The following CCSER1 variants were observed in gnomAD, a reference collection of about 807,000 sequenced individuals.
CCSER1 encodes the protein serine-rich coiled-coil domain-containing protein 1.
In CCSER1, 41 loss-of-function variants were observed where a neutral mutation model predicts 82.0. The ratio of observed to expected loss-of-function variants is 0.50; its 90% CI spans 0.39 to 0.65. The LOEUF is 0.65. CCSER1 is among the 30% of genes least tolerant of loss of function. CCSER1 has a pLI of 0.00. For synonymous variants in CCSER1, 414 were observed against 383.9 expected (o/e 1.08, Z -0.92); for missense variants, 1,119 against 1,064.2 (o/e 1.05, Z -0.72).
intron 3 of CCSER1, among the ~76,000 whole-genome samples, chr4:90,386,491 T>A (rs1370964244): frequency 6.6e-6 from 1 of 152,016 alleles, no homozygotes; most frequent in Non-Finnish European, 1.5e-5. Flanking sequence ...TATACAGAAA[T>A]TAACTCAAGA....
intron 5 of CCSER1, among the ~76,000 whole-genome samples, chr4:90,578,339 A>G (rs916861901): frequency 1.4e-4 from 21 of 152,110 alleles, no homozygotes; most frequent in African/African-American, 4.8e-4. Context: ...TTAGGGGACA[A>G]CTTATTCCTT....
chr4:90,887,935 T>G (rs1722394792), intron 8 of CCSER1, among the ~76,000 whole-genome samples: 4 of 150,370 alleles, frequency 2.7e-5, no homozygotes, highest in Admixed American at 2.7e-4. Flanking sequence ...AAATCAACAA[T>G]GACAGAGAGA....
intron 5 of CCSER1, among the ~76,000 whole-genome samples, chr4:90,581,870 G>A (rs1388409618): frequency 6.6e-6 from 1 of 150,416 alleles, no homozygotes; most frequent in African/African-American, 2.5e-5. Context: ...TTAGAGGAAA[G>A]GAATGACTTT....
At chr4:90,349,320 A>G (rs1247183318) in intron 3 of CCSER1, among the ~76,000 whole-genome samples, 1 of 152,164 alleles carries the variant, frequency 6.6e-6, no homozygotes, top group Admixed American at 6.6e-5. Flanking sequence ...TAGCCCTTGC[A>G]TTTTAGATTT....
At chr4:90,637,364 T>A (rs1358133782) in intron 6 of CCSER1, among the ~76,000 whole-genome samples, 1 of 152,206 alleles carries the variant, frequency 6.6e-6, no homozygotes, top group Non-Finnish European at 1.5e-5. Context: ...ATGCACAATG[T>A]CTTTTGTAAC....
chr4:91,326,961 C>A (rs1245820724), intron 10 of CCSER1, among the ~76,000 whole-genome samples: 3 of 152,202 alleles, frequency 2.0e-5, no homozygotes, highest in African/African-American at 4.8e-5. Context: ...AGGCCTTGGG[C>A]AGCTCTGCCT....
rs1231281461 is a variant in CCSER1 at position 91,496,672 on chromosome 4, A to T, written c.2218-101900A>T. Among the ~76,000 whole-genome samples, 7 of 23,026 alleles carry T rather than the reference A, an allele frequency of 3.0e-4. 1 individual carries two copies. Among genetic ancestry groups the T allele is most frequent in the African/African-American group, 5.7e-4 (5 of 8,744 alleles). The allele number at this position is 23,026 out of a possible 152,430, so 15.1% of individuals were successfully genotyped here. On this transcript the variant is annotated intron_variant, in intron 10 of 10. Transcript: ENST00000509176. Reference sequence around the variant, plus strand: ...ATATATATTGAATATATATATATTCAATATATTTGAATATATATATATTCA... The same window carrying T: ...ATATATATTGAATATATATATATTCTATATATTTGAATATATATATATTCA...
At chr4:90,998,607 T>C (rs1737715454) in intron 9 of CCSER1, among the ~76,000 whole-genome samples, 2 of 152,240 alleles carry the variant, frequency 1.3e-5, no homozygotes, top group Non-Finnish European at 2.9e-5. Context: ...TTATTCTTAA[T>C]TGCTCTGAAA....
At chr4:90,886,250 G>A (rs1036573763) in intron 8 of CCSER1, among the ~76,000 whole-genome samples, 1 of 152,138 alleles carries the variant, frequency 6.6e-6, no homozygotes, top group Non-Finnish European at 1.5e-5. Flanking sequence ...AATTTGCAGA[G>A]GTAGGCTCCT....
At chr4:91,014,912 C>A (rs1739294157) in intron 9 of CCSER1, among the ~76,000 whole-genome samples, 1 of 84,266 alleles carries the variant, frequency 1.2e-5, no homozygotes, top group Admixed American at 1.1e-4. Flanking sequence ...CAGAAAAGTT[C>A]AAGTTTGGAG....
At chr4:90,658,724 A>C (rs775070989) in intron 6 of CCSER1, among the ~76,000 whole-genome samples, 11 of 152,328 alleles carry the variant, frequency 7.2e-5, no homozygotes, top group Non-Finnish European at 1.2e-4. Context: ...AAAAAGATAT[A>C]GTAACTCAGA....
At chr4:91,464,399 A>G (rs1452080042) in intron 10 of CCSER1, among the ~76,000 whole-genome samples, 1 of 152,218 alleles carries the variant, frequency 6.6e-6, no homozygotes, top group Non-Finnish European at 1.5e-5. Flanking sequence ...CTGCAAAAAT[A>G]TGCCAAAATA....
chr4:91,153,067 T>G (rs1026872274), intron 10 of CCSER1, among the ~76,000 whole-genome samples: 1 of 151,930 alleles, frequency 6.6e-6, no homozygotes, highest in Non-Finnish European at 1.5e-5. Flanking sequence ...TGCTTGCTAA[T>G]TTGGGGAAGT....
intron 6 of CCSER1, among the ~76,000 whole-genome samples, chr4:90,664,111 C>T (rs991243182): frequency 2.0e-5 from 3 of 151,924 alleles, no homozygotes; most frequent in African/African-American, 4.8e-5. Flanking sequence ...TGTATGAGAC[C>T]GGCTTTTAAG....
At chr4:91,513,994 C>A (rs1376120093) in intron 10 of CCSER1, among the ~76,000 whole-genome samples, 1 of 151,880 alleles carries the variant, frequency 6.6e-6, no homozygotes, top group Non-Finnish European at 1.5e-5. Flanking sequence ...TTTTCTTCTG[C>A]TGGCTTTGTG....
At chr4:90,291,570 A>G (rs1325159219) in intron 1 of CCSER1, among the ~76,000 whole-genome samples, 2 of 152,072 alleles carry the variant, frequency 1.3e-5, no homozygotes, top group African/African-American at 4.8e-5. Flanking sequence ...CCTGATAGTG[A>G]TATTTGATGC....
intron 10 of CCSER1, among the ~76,000 whole-genome samples, chr4:91,305,829 C>T (rs566477553): frequency 1.3e-5 from 2 of 152,034 alleles, no homozygotes; most frequent in African/African-American, 4.8e-5. Flanking sequence ...AGCAAGGCGC[C>T]TCTTACACGG....
Position 91,604,163 on chromosome 4 carries a change from C to T in CCSER1, c.*5106C>T, listed in dbSNP as rs1764897349. 6.6e-6 allele frequency: 1 copy of T among 152,098 alleles called. No individual in the cohort carries two copies. The highest frequency in any genetic ancestry group is 2.4e-5 in the African/African-American group (1 of 41,444). The allele number at this position is 152,098 out of a possible 1,614,324, so 9.4% of individuals were successfully genotyped here. The stretch of plus-strand genomic sequence containing the variant: ...CATTAGGTAACTTGTCCAGGACACA[C>T]AACATGCATTTTTAATTAAATTGGA... On this transcript the variant is annotated 3_prime_UTR_variant, in exon 11 of 11. Coordinates refer to ENST00000509176, the MANE Select transcript of CCSER1 (RefSeq NM_001145065.2).
At chr4:91,363,143 AAAAC>A (rs970708959) in intron 10 of CCSER1, among the ~76,000 whole-genome samples, 9 of 151,932 alleles carry the variant, frequency 5.9e-5, no homozygotes, top group African/African-American at 7.2e-5. Context: ...AAACAAAAAC[AAAAC>A]AAACAAAGAA....
Sources: gnomAD v4.1 joint callset for allele counts (sites outside exome capture counted in the v4.1 genomes callset) on GRCh38, gnomAD v4.1.1 for gene constraint, MANE v1.5 for transcripts, NCBI Gene and HGNC (gene_info 2026-07-23, HGNC 2026-07-21) for gene names.